The following ZNF283 variants were observed in gnomAD, a reference collection of about 807,000 sequenced individuals.
ZNF283 encodes zinc finger protein 41.
In ZNF283, 10 loss-of-function variants were observed where a neutral mutation model predicts 9.2. The ratio of observed to expected loss-of-function variants is 1.09; its 90% confidence interval spans 0.67 to 1.85. The LOEUF is 1.85. ZNF283 is among the 40% of genes most tolerant of loss of function. The pLI, the probability that ZNF283 is intolerant of heterozygous loss-of-function variation, is 0.00. For missense variants in ZNF283, 631 were observed against 760.1 expected (o/e 0.83, Z 2.00); for synonymous variants, 234 against 244.1 (o/e 0.96, Z 0.38).
At position 43,848,425 on chromosome 19, in the gene ZNF283, T is replaced by G. The variant is rs183048778; in HGVS notation, c.1824T>G (p.Phe608Leu). The G allele has an allele frequency of 4.0e-4, 649 of 1,614,026 alleles. 6 individuals carry two copies. In the African/African-American group the frequency reaches 7.9e-3, roughly 20 times the overall value. The change falls in exon 7 of 7, where the codon TTT becomes TTG. Residue 608 changes from phenylalanine (F) to leucine (L), a missense_variant. Transcript: ENST00000618787. ...AATGTAAAGACTGTGGGAAGGCCTT[T>G]GGTAGTGGCTATCAACTTAGTGTTC... ...SYECKDCGKA[F>L]GSGYQLSVHQ...
intron 6 of ZNF283, 181 bp downstream of exon 6, chr19:43,837,360 C>A: frequency 1.8e-6 from 1 of 556,768 alleles, no homozygotes. Context: ...TCTTCCCCAT[C>A]CCTCAGTGAG....
intron 2 of ZNF283, among the ~76,000 whole-genome samples, chr19:43,830,723 T>C (rs866164741): frequency 1.3e-5 from 2 of 151,696 alleles, no homozygotes; most frequent in South Asian, 4.2e-4. Context: ...ACCAATATGG[T>C]GAAATCCCAT....
chr19:43,836,197 C>T (rs775605729), intron 5 of ZNF283, among the ~76,000 whole-genome samples: 9 of 152,080 alleles, frequency 5.9e-5, no homozygotes, highest in Non-Finnish European at 1.3e-4. Context: ...AATAAAAATA[C>T]TGTTTATTCA....
At chr19:43,845,628 T>C (rs1486438884) in intron 6 of ZNF283, among the ~76,000 whole-genome samples, 8 of 152,196 alleles carry the variant, frequency 5.3e-5, no homozygotes, top group African/African-American at 1.7e-4. Context: ...ATTTGAAGCA[T>C]ACACAGAAGT....
intron 2 of ZNF283, 111 bp from the exon 3 acceptor site, chr19:43,831,207 C>T (rs1262675788): frequency 4.9e-6 from 3 of 618,488 alleles, no homozygotes; most frequent in African/African-American, 3.7e-5. Context: ...TGGAAAGGTG[C>T]AGCCGTACTT....
At position 43,848,001 on chromosome 19, in the gene ZNF283, C is replaced by A; in HGVS notation, c.1400C>A (p.Ala467Asp). ...KPFECKECGKAFSWGSSLVKH... is the reference protein window; with the variant it reads ...KPFECKECGKDFSWGSSLVKH... ...TTTGAATGTAAGGAATGTGGGAAGG[C>A]CTTTAGTTGGGGTTCAAGCCTTGTT... The change falls in exon 7 of 7, where the codon GCC (alanine) becomes GAC (aspartate). Residue 467 changes from alanine to aspartate, a missense_variant. Around this residue, in one of 3 missense-constraint regions of ZNF283, gnomAD observed 444 missense variants for 522.5 expected, o/e 0.85. Transcript: ENST00000618787. The A allele has an allele frequency of 6.2e-7, 1 of 1,613,734 alleles. No homozygotes were observed. The highest frequency in any genetic ancestry group is 1.1e-5 in the South Asian group (1 of 91,058).
chr19:43,834,795 C>T (rs1029078520), intron 4 of ZNF283, among the ~76,000 whole-genome samples: 6 of 151,862 alleles, frequency 4.0e-5, no homozygotes, highest in East Asian at 1.9e-4. Flanking sequence ...GGGGTTTCAC[C>T]GTGTTAGCCA....
chr19:43,835,451 C>A, intron 4 of ZNF283, 54 bp from the exon 5 acceptor site: 1 of 1,158,746 alleles, frequency 8.6e-7, no homozygotes, highest in East Asian at 2.4e-5. Context: ...TAGTGTAAGT[C>A]AGGATGGGAT....
chr19:43,846,722 A>T (rs1189264411), intron 6 of ZNF283, among the ~76,000 whole-genome samples: 1 of 152,116 alleles, frequency 6.6e-6, no homozygotes, highest in Non-Finnish European at 1.5e-5. Context: ...TGTTGAAGCG[A>T]CCTCTGTGGA....
At chr19:43,842,218 G>C (rs62118371) in intron 6 of ZNF283, among the ~76,000 whole-genome samples, 61,507 of 151,876 alleles carry the variant, frequency 0.4, 12,870 homozygotes, top group South Asian at 0.55. Flanking sequence ...TACCTGTCTT[G>C]AAGTCACTGT....
chr19:43,830,387 G>C (rs1352445413), intron 2 of ZNF283, among the ~76,000 whole-genome samples: 1 of 151,376 alleles, frequency 6.6e-6, no homozygotes, highest in Non-Finnish European at 1.5e-5. Flanking sequence ...CTTACGACAG[G>C]AAGTCTTAAC....
At chr19:43,844,415 C>T (rs1195841977) in intron 6 of ZNF283, among the ~76,000 whole-genome samples, 2 of 152,096 alleles carry the variant, frequency 1.3e-5, no homozygotes, top group Admixed American at 6.6e-5. Context: ...AATTAAAATT[C>T]GCTAAACTAC....
At chr19:43,844,283 A>AGAG in intron 6 of ZNF283, among the ~76,000 whole-genome samples, 1 of 152,130 alleles carries the variant, frequency 6.6e-6, no homozygotes, top group South Asian at 2.1e-4. Context: ...TTGACATTTA[A>AGAG]GAAGTTAAAC....
chr19:43,834,656 C>T (rs1285683458), intron 4 of ZNF283, among the ~76,000 whole-genome samples: 6 of 151,984 alleles, frequency 3.9e-5, no homozygotes, highest in African/African-American at 9.7e-5. Context: ...AGTGCAGCAG[C>T]GCGATCTCGG....
intron 6 of ZNF283, among the ~76,000 whole-genome samples, chr19:43,838,252 G>T (rs959321681): frequency 6.6e-6 from 1 of 152,152 alleles, no homozygotes; most frequent in Non-Finnish European, 1.5e-5. Context: ...TTAAGGTAGC[G>T]TCTGCTGGCT....
rs1261355914 is a variant in ZNF283, at chr19:43,847,625, A to G, written c.1024A>G (p.Thr342Ala). The G allele has an allele frequency of 6.2e-7, 1 of 1,613,618 alleles. No homozygotes were observed. Among genetic ancestry groups the G allele is most frequent in the Non-Finnish European group, 8.5e-7 (1 of 1,179,788 alleles). ...CCTTGCTAAACATGAGATAATTCAT[A>G]CAGGTGAGAAACCTTATAAATGTAA... The part of the protein sequence containing the change: ...SSLAKHEIIH[T>A]GEKPYKCKEC... Residue 342 changes from threonine (T) to alanine (A), a missense_variant, in exon 7 of 7, where the codon ACA becomes GCA. By Grantham distance (58) the Thr-to-Ala change is moderately conservative. This residue lies in a region of ZNF283 where 444 missense variants were observed against 522.5 expected (regional missense o/e 0.85). Transcript: ENST00000618787.
At chr19:43,837,949 TTTG>T (rs973279644) in intron 6 of ZNF283, 1 of 152,186 alleles carries the variant, frequency 6.6e-6, no homozygotes, top group African/African-American at 2.4e-5. Context: ...AATACATTGT[TTTG>T]TTGTTCTTGT....
Position 43,847,243 on chromosome 19 carries a change from G to A in ZNF283, c.642G>A (p.Lys214=), listed in dbSNP as rs1971438586. 1.2e-6 allele frequency: 2 copies of A among 1,613,930 alleles called. No homozygotes were observed. Among genetic ancestry groups the A allele is most frequent in the Non-Finnish European group, 1.7e-6 (2 of 1,179,832 alleles). ...EKSYVCKECG[K]ACSHGSKLVQ... ...CCTATGTTTGTAAGGAATGTGGGAA[G>A]GCTTGCAGTCATGGCTCAAAACTTG... The change falls in exon 7 of 7, where the codon AAG becomes AAA. Residue 214 remains lysine, a synonymous_variant. Transcript: ENST00000618787.
rs1970674294 is a variant in ZNF283, at chr19:43,830,814, A to G, written c.-64-504A>G. 2.0e-5 allele frequency among the ~76,000 whole-genome samples: 3 copies of G among 150,410 alleles called. 1 individual carries two copies. In the Admixed American group the frequency reaches 2.0e-4, roughly 10 times the overall value. ...GCTATTCAATAGGCTGAGGCAGGAGAATTGGTTGAACCTGGGAGACAGAGG... is the reference window on the plus strand; with the variant it reads ...GCTATTCAATAGGCTGAGGCAGGAGGATTGGTTGAACCTGGGAGACAGAGG... On this transcript the variant is annotated intron_variant, in intron 2 of 6. Coordinates refer to ENST00000618787, the MANE Select transcript of ZNF283 (RefSeq NM_181845.2).
Sources: gnomAD v4.1 joint callset for allele counts (sites outside exome capture counted in the v4.1 genomes callset) on GRCh38, gnomAD v4.1.1 for gene constraint, gnomAD v4.1.1 regional missense constraint, MANE v1.5 for transcripts, NCBI Gene and HGNC (gene_info 2026-07-23, HGNC 2026-07-21) for gene names.